The following FAT3 variants were observed in gnomAD, a reference collection of about 807,000 sequenced individuals.
The protein encoded by FAT3 is protocadherin Fat 3.
Under a neutral mutation model 310.2 loss-of-function variants are expected in FAT3, and 95 were observed. The ratio of observed to expected loss-of-function variants is 0.31; its 90% CI spans 0.26 to 0.36. The LOEUF is 0.36. Among genes scored for constraint, FAT3 ranks in the 10% least tolerant of loss-of-function variants. The pLI is 1.00. For missense variants in FAT3, 5,408 were observed against 5,715.6 expected, an observed-to-expected ratio of 0.95 and a Z score of 1.74; for synonymous variants, 2,314 against 2,192.9, an observed-to-expected ratio of 1.06 and a Z score of -1.54.
At chr11:92,678,548 C>G (rs146231705) in intron 3 of FAT3, among the ~76,000 whole-genome samples, 59 of 152,244 alleles carry the variant, frequency 3.9e-4, no homozygotes, top group African/African-American at 1.3e-3. Context: ...GTTTCCCACA[C>G]GTGCCTTTTG....
At chr11:92,247,329 T>TC (rs1591002993) in intron 1 of FAT3, among the ~76,000 whole-genome samples, 1 of 151,162 alleles carries the variant, frequency 6.6e-6, no homozygotes, top group African/African-American at 2.4e-5. Flanking sequence ...ACCATGTCTT[T>TC]TTTTTTTTTT....
In FAT3 at chr11:92,866,856, A is replaced by G. The variant is rs1591831052; in HGVS notation, c.11774A>G (p.Asn3925Ser). Residue 3925 changes from asparagine (N) to serine (S), a missense_variant, in exon 22 of 28, where the codon AAC becomes AGC. By Grantham distance (46) the Asn-to-Ser change is conservative. This residue lies in a region of FAT3 where 4,588 missense variants were observed against 4,809.8 expected (regional missense o/e 0.95). Transcript: ENST00000525166. ...GSWHSVFLEL[N>S]RNFTSLSLDD... is the part of the protein sequence containing the mutation. ...TGGCACTCGGTCTTCCTGGAGCTCA[A>G]CCGCAATTTCACGAGCCTGTCCCTG... The G allele has an allele frequency of 6.2e-7, 1 of 1,613,884 alleles. No individual in the cohort carries two copies. Among genetic ancestry groups the G allele is most frequent in the Non-Finnish European group, 8.5e-7 (1 of 1,179,862 alleles).
Position 92,310,267 on chromosome 11 carries a change from A to G in FAT3, c.-17-41829A>G, listed in dbSNP as rs903843493. On this transcript the variant is annotated intron_variant, in intron 1 of 27. Coordinates refer to ENST00000525166, the MANE Select transcript of FAT3 (RefSeq NM_001367949.2). ...AAATTACAGTGCATTTTATTTAGTA[A>G]TCAGAGTGAGGAAAGTTAGAGACTA... is the stretch of plus-strand genomic sequence containing the variant. 9.2e-5 allele frequency among the ~76,000 whole-genome samples: 14 copies of G among 152,202 alleles called. No individual in the cohort carries two copies. The South Asian group carries it at 1.2e-3, about 14-fold the overall frequency.
chr11:92,602,351 C>T (rs1174180397), intron 3 of FAT3, among the ~76,000 whole-genome samples: 1 of 152,190 alleles, frequency 6.6e-6, no homozygotes, highest in Non-Finnish European at 1.5e-5. Flanking sequence ...GATCCGCCCA[C>T]CTGGGCCTAC....
At chr11:92,525,024 C>T in intron 3 of FAT3, 76 bp downstream of exon 3, 1 of 1,208,862 alleles carries the variant, frequency 8.3e-7, no homozygotes, top group Non-Finnish European at 1.2e-6. Flanking sequence ...ACTTTCTGTA[C>T]TCATTTACTT....
intron 4 of FAT3, among the ~76,000 whole-genome samples, chr11:92,703,925 T>C (rs1430056382): frequency 3.9e-5 from 6 of 152,224 alleles, no homozygotes; most frequent in African/African-American, 1.4e-4. Flanking sequence ...CGTATATTCC[T>C]AACTGTGCTC....
At position 92,247,725 on chromosome 11, in the gene FAT3, GTTTT is replaced by G. The variant is rs139681837; in HGVS notation, c.-18+22565_-18+22568del. 1.8e-4 allele frequency among the ~76,000 whole-genome samples: 25 copies of G among 141,712 alleles called. 1 individual carries two copies. Among genetic ancestry groups the G allele is most frequent in the East Asian group, 4.1e-4 (2 of 4,822 alleles). The allele number at this position is 141,712 out of a possible 152,430, so 93.0% of individuals were successfully genotyped here. The stretch of plus-strand genomic sequence containing the variant: ...TATTGTAAGATGTTTAGGTTCACCT[GTTTT>G]TTTTTTTTTTTTTATATTCAAGCTT... On this transcript the variant is annotated intron_variant, in intron 1 of 27. Transcript: ENST00000525166.
intron 2 of FAT3, among the ~76,000 whole-genome samples, chr11:92,441,724 TTCTC>T (rs750799587): frequency 1.3e-5 from 2 of 152,120 alleles, no homozygotes; most frequent in African/African-American, 2.4e-5. Flanking sequence ...TTTTCTGTCT[TTCTC>T]TCAACCAACA....
chr11:92,294,030 C>T (rs1466663077), intron 1 of FAT3, among the ~76,000 whole-genome samples: 1 of 151,992 alleles, frequency 6.6e-6, no homozygotes, highest in Non-Finnish European at 1.5e-5. Flanking sequence ...AACAAAATAT[C>T]ACAGACTGGG....
At chr11:92,622,230 G>C (rs1162036657) in intron 3 of FAT3, among the ~76,000 whole-genome samples, 1 of 151,372 alleles carries the variant, frequency 6.6e-6, no homozygotes, top group Admixed American at 6.6e-5. Flanking sequence ...GTTGCAGTGA[G>C]CCCATATCAT....
intron 1 of FAT3, among the ~76,000 whole-genome samples, chr11:92,316,888 C>T (rs917127956): frequency 1.3e-5 from 2 of 152,134 alleles, no homozygotes; most frequent in African/African-American, 2.4e-5. Flanking sequence ...TTGGAGCCAG[C>T]CTTTTTGGGA....
intron 3 of FAT3, among the ~76,000 whole-genome samples, chr11:92,650,408 C>T (rs906705756): frequency 3.3e-5 from 5 of 152,136 alleles, no homozygotes; most frequent in Non-Finnish European, 4.4e-5. Context: ...CTCATTAATA[C>T]GCACTGTCCT....
At chr11:92,643,609 T>C (rs766650449) in intron 3 of FAT3, among the ~76,000 whole-genome samples, 1 of 152,190 alleles carries the variant, frequency 6.6e-6, no homozygotes, top group Non-Finnish European at 1.5e-5. Context: ...TAAAAATGAC[T>C]GTACAAATAT....
chr11:92,797,898 C>G lies in FAT3; in HGVS notation c.4885C>G (p.Pro1629Ala), dbSNP rs754105906. 2 of 1,613,882 alleles carry G rather than the reference C, an allele frequency of 1.2e-6. No homozygotes were observed. Among genetic ancestry groups the G allele is most frequent in the East Asian group, 2.2e-5 (1 of 44,864 alleles). Residue 1629 changes from proline (P) to alanine (A), a missense_variant, in exon 10 of 28, where the codon CCA (proline) becomes GCA (alanine). By Grantham distance (27) the Pro-to-Ala change is conservative (BLOSUM62 -1). Around this residue, in one of 5 missense-constraint regions of FAT3, gnomAD observed 4,588 missense variants for 4,809.8 expected, o/e 0.95. Coordinates refer to ENST00000525166, the MANE Select transcript of FAT3 (RefSeq NM_001367949.2). ...AGGCATCATCACCATTTGCAAAGAA[C>G]CAGACATGACGACGATGGGTCAGTT... is the stretch of plus-strand genomic sequence containing the variant. ...VLGIITICKEPDMTTMGQFVL... is the reference protein window; with the variant it reads ...VLGIITICKEADMTTMGQFVL...
intron 2 of FAT3, among the ~76,000 whole-genome samples, chr11:92,424,419 G>T (rs1187218864): frequency 6.6e-6 from 1 of 152,072 alleles, no homozygotes; most frequent in African/African-American, 2.4e-5. Flanking sequence ...TTCTCCTATG[G>T]ACCTTGCCAC....
intron 3 of FAT3, among the ~76,000 whole-genome samples, chr11:92,689,125 C>A (rs1943720570): frequency 6.6e-6 from 1 of 152,202 alleles, no homozygotes; most frequent in East Asian, 1.9e-4. Flanking sequence ...GATGAGGAAG[C>A]TAAGTAACCT....
intron 19 of FAT3, among the ~76,000 whole-genome samples, chr11:92,846,924 GCCCAGCCCTAT>G (rs1283696352): frequency 6.6e-6 from 1 of 152,194 alleles, no homozygotes; most frequent in Non-Finnish European, 1.5e-5. Context: ...AGGTCATCTA[GCCCAGCCCTAT>G]CTTCAGCAGG....
At chr11:92,476,722 A>T (rs1037103980) in intron 2 of FAT3, among the ~76,000 whole-genome samples, 2 of 152,196 alleles carry the variant, frequency 1.3e-5, no homozygotes, top group African/African-American at 4.8e-5. Flanking sequence ...AGAAATCAAC[A>T]TGGAGAGAAA....
At chr11:92,229,507 G>GTT (rs1565339350) in intron 1 of FAT3, among the ~76,000 whole-genome samples, 2 of 58,158 alleles carry the variant, frequency 3.4e-5, no homozygotes, top group Non-Finnish European at 6.1e-5. Flanking sequence ...TTTTTTTTTT[G>GTT]TTTTTTGTTT....
Sources: gnomAD v4.1 joint callset for allele counts (sites outside exome capture counted in the v4.1 genomes callset) on GRCh38, gnomAD v4.1.1 for gene constraint, gnomAD v4.1.1 regional missense constraint, MANE v1.5 for transcripts, NCBI Gene and HGNC (gene_info 2026-07-23, HGNC 2026-07-21) for gene names.